PRKN: variants seen among roughly 807,000 people sequenced by gnomAD.
PRKN encodes E3 ubiquitin-protein ligase parkin.
A neutral mutation model predicts 59.5 loss-of-function variants in PRKN; 56 were observed. That is an observed-to-expected ratio of 0.94 (90% CI 0.76 to 1.18). The LOEUF is 1.18. Among genes scored for constraint, PRKN ranks in the 50% most tolerant of loss-of-function variants. The pLI, the probability that PRKN is intolerant of heterozygous loss-of-function variation, is 0.00. For synonymous variants in PRKN, 250 were observed against 222.1 expected, an observed-to-expected ratio of 1.13 and a Z score of -1.12; for missense variants, 657 against 596.4, an observed-to-expected ratio of 1.10 and a Z score of -1.06.
At chr6:161,754,738 T>C (rs907411240) in intron 7 of PRKN, among the ~76,000 whole-genome samples, 1 of 152,196 alleles carries the variant, frequency 6.6e-6, no homozygotes, top group African/African-American at 2.4e-5. Context: ...ATATTCAATA[T>C]CCCTAACATT....
rs181874091 is a variant in PRKN at position 161,517,460 on chromosome 6, G to A, written c.1083+31394C>T. 3.9e-5 allele frequency among the ~76,000 whole-genome samples: 6 copies of A among 152,134 alleles called. No homozygotes were observed. The East Asian group carries it at 1.2e-3, about 30-fold the overall frequency. On this transcript the variant is annotated intron_variant, in intron 9 of 11. Transcript: ENST00000366898. ...ATGAAATCAAGAGTTGAGGTGCTAGGCCGGGCGTGGTGGCTCACACCTGTA... is the reference window on the plus strand; with the variant it reads ...ATGAAATCAAGAGTTGAGGTGCTAGACCGGGCGTGGTGGCTCACACCTGTA...
chr6:162,258,373 G>A (rs1779741762), intron 3 of PRKN, among the ~76,000 whole-genome samples: 1 of 152,130 alleles, frequency 6.6e-6, no homozygotes, highest in South Asian at 2.1e-4. Flanking sequence ...GATATTGGAG[G>A]AGCCTCCTAT....
chr6:162,208,592 A>C (rs1160675861), intron 3 of PRKN, among the ~76,000 whole-genome samples: 1 of 152,158 alleles, frequency 6.6e-6, no homozygotes, highest in Non-Finnish European at 1.5e-5. Flanking sequence ...AAAACTGTAG[A>C]GTGAAGCAAA....
At chr6:162,048,243 T>C (rs541603149) in intron 5 of PRKN, among the ~76,000 whole-genome samples, 2 of 152,256 alleles carry the variant, frequency 1.3e-5, no homozygotes, top group East Asian at 3.9e-4. Flanking sequence ...CACCCCTCAA[T>C]AAGAATTTCT....
At position 161,519,676 on chromosome 6, in the gene PRKN, T is replaced by C. The variant is rs188084485; in HGVS notation, c.1083+29178A>G. Among the ~76,000 whole-genome samples, 3 of 152,332 alleles carry C rather than the reference T, an allele frequency of 2.0e-5. No homozygotes were observed. The East Asian group carries it at 5.8e-4, about 29-fold the overall frequency. On this transcript the variant is annotated intron_variant, in intron 9 of 11. Coordinates refer to ENST00000366898, the MANE Select transcript of PRKN (RefSeq NM_004562.3). ...TATCTGTTACGTATTTCTTTACAAT[T>C]TTACATAAGGTTAGTCCTTATGGTG...
chr6:162,453,346 A>G (rs1229661834), intron 1 of PRKN, among the ~76,000 whole-genome samples: 1 of 152,124 alleles, frequency 6.6e-6, no homozygotes, highest in Non-Finnish European at 1.5e-5. Context: ...TCTCTCCCCA[A>G]CATACTCTTT....
At chr6:162,459,108 C>A (rs1791042521) in intron 1 of PRKN, among the ~76,000 whole-genome samples, 1 of 152,290 alleles carries the variant, frequency 6.6e-6, no homozygotes, top group South Asian at 2.1e-4. Flanking sequence ...GCATGAGCCA[C>A]CGTGCCTGGC....
chr6:161,357,294 C>T lies in PRKN; in HGVS notation c.1285+2794G>A, dbSNP rs560921274. ...CTCGAACTCCTGACCTCAGGTGATC[C>T]GCCTGCCTTGGCCTCCCAAAGTGCT... On this transcript the variant is annotated intron_variant, in intron 11 of 11. Transcript: ENST00000366898. This position sits in a 1 kb window ranked among gnomAD's most constrained non-coding sequence, Gnocchi z 5.5. Among the ~76,000 whole-genome samples, 19 of 152,190 alleles carry T rather than the reference C, an allele frequency of 1.2e-4. No homozygotes were observed. Among genetic ancestry groups the T allele is most frequent in the African/African-American group, 2.9e-4 (12 of 41,516 alleles).
At chr6:162,182,632 C>A (rs1294837628) in intron 4 of PRKN, among the ~76,000 whole-genome samples, 1 of 152,206 alleles carries the variant, frequency 6.6e-6, no homozygotes, top group East Asian at 1.9e-4. Context: ...ATGGGCTCAT[C>A]CCAGGATCCT....
At chr6:161,394,497 G>C in intron 9 of PRKN, among the ~76,000 whole-genome samples, 1 of 152,276 alleles carries the variant, frequency 6.6e-6, no homozygotes, top group South Asian at 2.1e-4. Flanking sequence ...TCTTTGAACA[G>C]GTCCTTACTT....
chr6:162,286,116 A>C (rs1265483131), intron 2 of PRKN, among the ~76,000 whole-genome samples: 2 of 152,196 alleles, frequency 1.3e-5, no homozygotes, highest in East Asian at 3.9e-4. Context: ...CCAAAATTTT[A>C]AAATGATATC....
At chr6:162,678,823 A>G (rs1006382555) in intron 1 of PRKN, among the ~76,000 whole-genome samples, 1 of 152,132 alleles carries the variant, frequency 6.6e-6, no homozygotes, top group Non-Finnish European at 1.5e-5. Context: ...CACCCAGGCT[A>G]GAATGCAGTG....
chr6:162,072,494 C>T (rs951022520), intron 4 of PRKN, among the ~76,000 whole-genome samples: 12 of 152,118 alleles, frequency 7.9e-5, no homozygotes, highest in Non-Finnish European at 1.5e-4. Flanking sequence ...CTTGGAATAT[C>T]GATCCCAAAC....
At chr6:162,382,347 C>T (rs1007162111) in intron 2 of PRKN, among the ~76,000 whole-genome samples, 2 of 151,998 alleles carry the variant, frequency 1.3e-5, no homozygotes, top group Admixed American at 1.3e-4. Context: ...TACAGGCATA[C>T]CTCAGAGATA....
chr6:162,298,091 T>C (rs1781762262), intron 2 of PRKN, among the ~76,000 whole-genome samples: 1 of 152,046 alleles, frequency 6.6e-6, no homozygotes, highest in African/African-American at 2.4e-5. Flanking sequence ...GCCAAATCAC[T>C]TGGGCTCCCT....
chr6:162,397,281 G>T (rs147877223), intron 2 of PRKN, among the ~76,000 whole-genome samples: 1 of 152,070 alleles, frequency 6.6e-6, no homozygotes, highest in Non-Finnish European at 1.5e-5. Context: ...AAGCAAACTC[G>T]GGAATATCAA....
chr6:161,867,852 C>T (rs1271237975), intron 6 of PRKN, among the ~76,000 whole-genome samples: 1 of 151,854 alleles, frequency 6.6e-6, no homozygotes, highest in Admixed American at 6.6e-5. Context: ...CCTCCACCTC[C>T]CAGGTTCAAG....
chr6:162,638,307 T>C (rs1383285804), intron 1 of PRKN, among the ~76,000 whole-genome samples: 1 of 148,652 alleles, frequency 6.7e-6, no homozygotes, highest in Non-Finnish European at 1.5e-5. Context: ...AAGAGTTTTT[T>C]TCCCTAGCCT....
chr6:162,185,149 ATG>A (rs1783973053), intron 4 of PRKN, among the ~76,000 whole-genome samples: 2 of 152,308 alleles, frequency 1.3e-5, no homozygotes, highest in South Asian at 4.1e-4. Context: ...CACCTAAACT[ATG>A]TATTCCACAG....
Sources: allele counts gnomAD v4.1 joint callset (sites outside exome capture counted in the v4.1 genomes callset), GRCh38; gene constraint gnomAD v4.1.1; non-coding constraint Gnocchi (gnomAD v3.1); transcripts MANE v1.5; gene names NCBI Gene and HGNC (gene_info 2026-07-23, HGNC 2026-07-21).